Variants in RBFOX1 observed in about 807,000 individuals in gnomAD.
RBFOX1 encodes the protein RNA binding fox-1 homolog 1, also known as RNA binding protein fox-1 homolog 1.
RBFOX1 carries 8 observed loss-of-function variants against 57.7 expected under a neutral mutation model. That is an observed-to-expected ratio of 0.14 (90% CI 0.08 to 0.25). RBFOX1 has a LOEUF of 0.25. Among genes scored for constraint, RBFOX1 ranks in the 10% least tolerant of loss-of-function variants. The pLI, the probability that RBFOX1 is intolerant of heterozygous loss-of-function variation, is 1.00. For missense variants in RBFOX1, 611 were observed against 548.5 expected, an observed-to-expected ratio of 1.11 and a Z score of -1.14; for synonymous variants, 326 against 222.4, an observed-to-expected ratio of 1.47 and a Z score of -4.15.
intron 4 of RBFOX1, among the ~76,000 whole-genome samples, chr16:5,955,124 A>T: frequency 1.9e-5 from 2 of 106,062 alleles, no homozygotes; most frequent in African/African-American, 4.2e-5. Flanking sequence ...CTACTAAAAA[A>T]AAAAAAAAAA....
chr16:7,119,123 T>G (rs899258596), intron 4 of RBFOX1, among the ~76,000 whole-genome samples: 2 of 152,132 alleles, frequency 1.3e-5, no homozygotes, highest in Admixed American at 1.3e-4. Context: ...TGTTGCAATG[T>G]ATGTGTGCTC....
chr16:5,451,476 G>A (rs2068424248), intron 1 of RBFOX1, among the ~76,000 whole-genome samples: 1 of 152,182 alleles, frequency 6.6e-6, no homozygotes, highest in South Asian at 2.1e-4. Flanking sequence ...GCCTTTGAAT[G>A]ATTTGATGGG....
intron 1 of RBFOX1, among the ~76,000 whole-genome samples, chr16:6,033,887 G>A (rs1047466973): frequency 6.6e-6 from 1 of 152,182 alleles, no homozygotes; most frequent in Admixed American, 6.5e-5. Context: ...ACATGTTGGT[G>A]GATGAATGGG....
intron 5 of RBFOX1, among the ~76,000 whole-genome samples, chr16:7,571,300 C>T (rs2092747224): frequency 6.6e-6 from 1 of 152,074 alleles, no homozygotes. Flanking sequence ...TCTTGTCTCC[C>T]TAGGGTCAGA....
At chr16:6,223,735 G>A (rs962097188) in intron 1 of RBFOX1, among the ~76,000 whole-genome samples, 1 of 152,136 alleles carries the variant, frequency 6.6e-6, no homozygotes, top group African/African-American at 2.4e-5. Context: ...TTTGGCTTTT[G>A]TTGCCATTGC....
At chr16:6,037,671 T>A (rs924275946) in intron 1 of RBFOX1, 2 of 152,156 alleles carry the variant, frequency 1.3e-5, no homozygotes, top group Non-Finnish European at 2.9e-5. Context: ...CTCGGCTCAC[T>A]GCAACCTCCG....
chr16:6,657,278 C>A (rs569201760), intron 3 of RBFOX1, among the ~76,000 whole-genome samples: 1 of 152,054 alleles, frequency 6.6e-6, no homozygotes, highest in East Asian at 1.9e-4. Flanking sequence ...CTTATACTCA[C>A]GCTATAGTTT....
intron 4 of RBFOX1, among the ~76,000 whole-genome samples, chr16:7,231,014 A>G (rs1201449432): frequency 1.3e-5 from 2 of 152,134 alleles, no homozygotes; most frequent in African/African-American, 2.4e-5. Flanking sequence ...ATGGTACCTG[A>G]ACAAGCACCT....
At chr16:7,216,146 T>G (rs1348189821) in intron 4 of RBFOX1, among the ~76,000 whole-genome samples, 1 of 152,236 alleles carries the variant, frequency 6.6e-6, no homozygotes, top group Non-Finnish European at 1.5e-5. Flanking sequence ...CATACTGTTG[T>G]GTGGATATAC....
intron 4 of RBFOX1, among the ~76,000 whole-genome samples, chr16:7,342,867 G>A (rs1028445611): frequency 1.3e-5 from 2 of 152,156 alleles, no homozygotes; most frequent in Admixed American, 6.5e-5. Flanking sequence ...TGTCCTCAGA[G>A]GTTGCATCAG....
chr16:5,828,184 C>T (rs925529082), intron 3 of RBFOX1, among the ~76,000 whole-genome samples: 2 of 152,054 alleles, frequency 1.3e-5, no homozygotes, highest in African/African-American at 4.8e-5. Context: ...TCCATCCTTC[C>T]ATGTATCTGT....
intron 3 of RBFOX1, among the ~76,000 whole-genome samples, chr16:5,658,832 G>GTA (rs1297807980): frequency 2.1e-5 from 3 of 145,382 alleles, no homozygotes; most frequent in South Asian, 2.1e-4. Flanking sequence ...ATGTATATAT[G>GTA]TATATATATA....
intron 1 of RBFOX1, among the ~76,000 whole-genome samples, chr16:6,286,756 A>G (rs945791742): frequency 4.6e-5 from 7 of 152,162 alleles, no homozygotes; most frequent in African/African-American, 1.7e-4. Context: ...TAGCAGATTC[A>G]TTCAGCCTAG....
rs920821926 is a variant in RBFOX1 at position 5,726,333 on chromosome 16, C to A, written c.318+127372C>A. 2.0e-5 allele frequency among the ~76,000 whole-genome samples: 3 copies of A among 152,228 alleles called. No individual in the cohort carries two copies. The South Asian group carries it at 6.2e-4, about 32-fold the overall frequency. ...TCAGGCCTGACTTTCTTTTCATGAACCATGCTATGACCGGCCCTCTCTAAA... is the reference window on the plus strand; with the variant it reads ...TCAGGCCTGACTTTCTTTTCATGAAACATGCTATGACCGGCCCTCTCTAAA... On this transcript the variant is annotated intron_variant, in intron 3 of 19. Coordinates refer to the RBFOX1 transcript ENST00000641259.
chr16:6,567,718 T>C (rs575927132), intron 2 of RBFOX1, among the ~76,000 whole-genome samples: 5 of 152,292 alleles, frequency 3.3e-5, no homozygotes, highest in African/African-American at 1.2e-4. Context: ...TTACATACTG[T>C]GCTTTTCTTG....
intron 2 of RBFOX1, among the ~76,000 whole-genome samples, chr16:5,469,844 T>G (rs558322563): frequency 1.3e-5 from 2 of 152,370 alleles, no homozygotes; most frequent in African/African-American, 4.8e-5. Context: ...CTCCTTTTTA[T>G]GGCTGAATAA....
chr16:7,347,344 A>C (rs531033189), intron 4 of RBFOX1, among the ~76,000 whole-genome samples: 6 of 152,182 alleles, frequency 3.9e-5, no homozygotes, highest in Non-Finnish European at 7.3e-5. Context: ...GACATGTTTC[A>C]CATGGATGAC....
intron 1 of RBFOX1, among the ~76,000 whole-genome samples, chr16:5,422,656 AGAG>A (rs1190719124): frequency 3.0e-5 from 2 of 65,674 alleles, no homozygotes; most frequent in African/African-American, 1.3e-4. Flanking sequence ...TTGGGAGGAA[AGAG>A]GAGGAGGGGG....
chr16:6,566,077 C>A (rs117738208), intron 2 of RBFOX1, among the ~76,000 whole-genome samples: 1,985 of 152,280 alleles, frequency 0.013, 21 homozygotes, highest in Non-Finnish European at 0.021. Context: ...GCACACTGTT[C>A]CTTCAAGGTG....
Sources: allele counts gnomAD v4.1 joint callset (sites outside exome capture counted in the v4.1 genomes callset), GRCh38; gene constraint gnomAD v4.1.1; transcripts MANE v1.5; gene names NCBI Gene and HGNC (gene_info 2026-07-23, HGNC 2026-07-21).